BTNL2: variants seen among roughly 807,000 people sequenced by gnomAD.
The protein encoded by BTNL2 is butyrophilin like 2.
A neutral mutation model predicts 46.8 loss-of-function variants in BTNL2; 46 were observed. The observed-to-expected ratio is 0.98, with a 90% CI of 0.78 to 1.26. The LOEUF (loss-of-function observed/expected upper bound fraction) is 1.26. Among genes scored for constraint, BTNL2 ranks in the 50% most tolerant of loss-of-function variants. BTNL2 has a pLI of 0.00. For missense variants in BTNL2, 461 were observed against 592.6 expected (o/e 0.78, Z 2.31); for synonymous variants, 226 against 229.1 (o/e 0.99, Z 0.12).
chr6:32,401,902 G>A, intron 3 of BTNL2, 97 bp from the exon 4 acceptor site: 2 of 980,318 alleles, frequency 2.0e-6, no homozygotes, highest in East Asian at 2.7e-5. Flanking sequence ...ACATTATATA[G>A]GGAAGCTCAA....
chr6:32,396,022 C>G lies in BTNL2; in HGVS notation c.1078+17G>C, dbSNP rs1776424305. 1.3e-6 allele frequency: 2 copies of G among 1,580,006 alleles called. No individual in the cohort carries two copies. Among genetic ancestry groups the G allele is most frequent in the Non-Finnish European group, 1.7e-6 (2 of 1,155,058 alleles). ...GGAGCAGGTATTGAATACAAAATATCTATCTAGAATTCTTACTTACCACCT... is the reference window on the plus strand; with the variant it reads ...GGAGCAGGTATTGAATACAAAATATGTATCTAGAATTCTTACTTACCACCT... On this transcript the variant is annotated intron_variant, in intron 5 of 7. Coordinates refer to ENST00000454136, the MANE Select transcript of BTNL2 (RefSeq NM_001304561.2). This position sits in a 1 kb window ranked among gnomAD's most constrained non-coding sequence, Gnocchi z 4.4.
rs771592654 is a variant in BTNL2 at position 32,394,808 on chromosome 6, G to A, written c.1296C>T (p.Asp432=). The change falls in exon 6 of 8, where the codon GAC becomes GAT. Residue 432 remains aspartate, a synonymous_variant. Transcript: ENST00000454136. The surrounding 1 kb of genome is among the most constrained non-coding windows in gnomAD (Gnocchi z 4.6). ...LLRVTNISAV[D]VTCSISIPFL... ...AGGGGATGCTGATGGAACAAGTGACGTCCACAGCGGAGATGTTTGTGACCC... is the reference window on the plus strand; with the variant it reads ...AGGGGATGCTGATGGAACAAGTGACATCCACAGCGGAGATGTTTGTGACCC... 8.7e-6 allele frequency: 14 copies of A among 1,614,190 alleles called. No homozygotes were observed. The Middle Eastern group carries it at 4.9e-4, about 57-fold the overall frequency.
intron 4 of BTNL2, among the ~76,000 whole-genome samples, chr6:32,397,604 T>A (rs977996058): frequency 3.0e-4 from 45 of 152,352 alleles, no homozygotes; most frequent in African/African-American, 1.1e-3. Flanking sequence ...TTAAACTACT[T>A]CTTAATGCCT....
At position 32,393,446 on chromosome 6, in the gene BTNL2, C is replaced by G. The variant is rs17202358; in HGVS notation, c.*7-57G>C. ...AATCAATATAATTTCATTCTATTAACAGCCAAACAGGAAGACAAGTGTTTC... is the reference window on the plus strand; with the variant it reads ...AATCAATATAATTTCATTCTATTAAGAGCCAAACAGGAAGACAAGTGTTTC... On this transcript the variant is annotated intron_variant, in intron 7 of 7. Coordinates refer to ENST00000454136, the MANE Select transcript of BTNL2 (RefSeq NM_001304561.2). The surrounding 1 kb of genome is among the most constrained non-coding windows in gnomAD (Gnocchi z 4.8). The G allele has an allele frequency of 6.5e-6, 1 of 152,692 alleles. No individual in the cohort carries two copies. Among genetic ancestry groups the G allele is most frequent in the African/African-American group, 2.4e-5 (1 of 41,394 alleles). The allele number at this position is 152,692 out of a possible 1,614,324, so 9.5% of individuals were successfully genotyped here.
chr6:32,403,547 A>G (rs1776924729), intron 2 of BTNL2: 1 of 294,470 alleles, frequency 3.4e-6, no homozygotes, highest in Non-Finnish European at 6.3e-6. Flanking sequence ...CCTCTGTGCC[A>G]TGAACTCTGC....
Position 32,394,989 on chromosome 6 carries a change from T to G in BTNL2, c.1115A>C (p.Gln372Pro). The G allele has an allele frequency of 1.2e-6, 2 of 1,611,112 alleles. No individual in the cohort carries two copies. The highest frequency in any genetic ancestry group is 1.7e-6 in the Non-Finnish European group (2 of 1,178,212). ...CATCGGCTGCATTTCTCCATCTTCT[T>G]GCCCCTCCACAGTGATCAGTGGGGA... Reference protein sequence around the residue: ...GSSPLITVEGQEDGEMQPMCS... With the variant: ...GSSPLITVEGPEDGEMQPMCS... Residue 372 changes from glutamine to proline, a missense_variant, in exon 6 of 8, where the codon CAA becomes CCA. Transcript: ENST00000454136. The surrounding 1 kb of genome is among the most constrained non-coding windows in gnomAD (Gnocchi z 4.6).
intron 4 of BTNL2, among the ~76,000 whole-genome samples, chr6:32,400,590 C>T (rs1776687136): frequency 6.6e-6 from 1 of 151,704 alleles, no homozygotes; most frequent in Non-Finnish European, 1.5e-5. Flanking sequence ...AAAATAATAC[C>T]CTCAGTCCAA....
rs566825324 is a variant in BTNL2, at chr6:32,400,983, G to C, written c.730+802C>G. Among the ~76,000 whole-genome samples the C allele has an allele frequency of 7.0e-3, 1,004 of 143,208 alleles. 36 individuals are homozygous for C. Among genetic ancestry groups the C allele is most frequent in the African/African-American group, 0.024 (932 of 39,522 alleles). 94.0% of individuals were successfully genotyped at this position (143,208 alleles called of 152,430 possible). A position where few individuals can be genotyped will look rare whatever the true frequency, so the allele number is the denominator to read the frequency against. ...CAGCACTTTGGGAGGCTGAGGTGGGGGGATCACGAGATCAGGAGATCGAGA... is the reference window on the plus strand; with the variant it reads ...CAGCACTTTGGGAGGCTGAGGTGGGCGGATCACGAGATCAGGAGATCGAGA... On this transcript the variant is annotated intron_variant, in intron 4 of 7. Transcript: ENST00000454136.
In BTNL2 at chr6:32,403,104, G is replaced by A. The variant is rs1296533057; in HGVS notation, c.540C>T (p.Ile180=). 9 of 1,612,768 alleles carry A rather than the reference G, an allele frequency of 5.6e-6. No homozygotes were observed. The highest frequency in any genetic ancestry group is 7.6e-6 in the Non-Finnish European group (9 of 1,179,916). ...ACACGGCCAGCAGCTTCTCTCCCCG[G>A]ATGTCTTCCCAATACACCTGGGGCT... ...FPEPQVYWED[I]RGEKLLAVSE... Residue 180 remains isoleucine (I), a synonymous_variant, in exon 3 of 8, where the codon ATC becomes ATT. Coordinates refer to ENST00000454136, the MANE Select transcript of BTNL2 (RefSeq NM_001304561.2).
chr6:32,395,954 A>G, intron 5 of BTNL2, 85 bp downstream of exon 5: 1 of 1,137,068 alleles, frequency 8.8e-7, no homozygotes, highest in Non-Finnish European at 1.3e-6. Context: ...GAAAATTTCA[A>G]ATGTCAGAGA....
rs1390075841 is a variant in BTNL2, at chr6:32,400,760, A to AAAAACAAAAAAAAAAC, written c.730+1024_730+1025insGTTTTTTTTTTGTTTT. Among the ~76,000 whole-genome samples the AAAAACAAAAAAAAAAC allele has an allele frequency of 3.5e-5, 4 of 115,918 alleles. No individual in the cohort carries two copies. The East Asian group carries it at 9.4e-4, about 27-fold the overall frequency. 76.0% of individuals were successfully genotyped at this position (115,918 alleles called of 152,430 possible). ...CCGTCTCTACTAAAAAAAAAAAAAA[A>AAAAACAAAAAAAAAAC]AAATTAGCTGGGTGTGGTGGCGCAT... On this transcript the variant is annotated intron_variant, in intron 4 of 7. Coordinates refer to ENST00000454136, the MANE Select transcript of BTNL2 (RefSeq NM_001304561.2).
chr6:32,393,916 C>A lies in BTNL2; in HGVS notation c.*6+47G>T. On this transcript the variant is annotated intron_variant, in intron 7 of 7. Coordinates refer to ENST00000454136, the MANE Select transcript of BTNL2 (RefSeq NM_001304561.2). This position sits in a 1 kb window ranked among gnomAD's most constrained non-coding sequence, Gnocchi z 4.8. ...GGGAGGCTCGGGGAAGTACGCAGTACGGTTCCCACTGCAGTGTGCTCCGCT... is the reference window on the plus strand; with the variant it reads ...GGGAGGCTCGGGGAAGTACGCAGTAAGGTTCCCACTGCAGTGTGCTCCGCT... 1 of 1,544,924 alleles carries A rather than the reference C, an allele frequency of 6.5e-7. No homozygotes were observed. The highest frequency in any genetic ancestry group is 8.7e-7 in the Non-Finnish European group (1 of 1,144,174).
At position 32,405,125 on chromosome 6, in the gene BTNL2, C is replaced by T. The variant is rs1188728146; in HGVS notation, c.241G>A (p.Val81Met). 2.5e-6 allele frequency: 4 copies of T among 1,613,128 alleles called. No individual in the cohort carries two copies. The highest frequency in any genetic ancestry group is 3.4e-6 in the Non-Finnish European group (4 of 1,180,048). Residue 81 changes from valine to methionine, a missense_variant, in exon 2 of 8, where the codon GTG (valine) becomes ATG (methionine). Coordinates refer to ENST00000454136, the MANE Select transcript of BTNL2 (RefSeq NM_001304561.2). Reference protein sequence around the residue: ...STPVFVHRDGVEVTEMQMEEY... With the variant: ...STPVFVHRDGMEVTEMQMEEY... ...TCCATCTGCATCTCAGTCACCTCCACTCCATCCCTGTGCACAAACACAGGT... is the reference window on the plus strand; with the variant it reads ...TCCATCTGCATCTCAGTCACCTCCATTCCATCCCTGTGCACAAACACAGGT...
intron 4 of BTNL2, among the ~76,000 whole-genome samples, chr6:32,400,745 T>TAAAAAAAAAAAAA (rs55703731): frequency 2.4e-5 from 2 of 82,114 alleles, no homozygotes; most frequent in Admixed American, 1.3e-4. Flanking sequence ...CCGTCTCTAC[T>TAAAAAAAAAAAAA]AAAAAAAAAA....
Position 32,396,241 on chromosome 6 carries a change from A to G in BTNL2, c.876T>C (p.His292=). Residue 292 remains histidine (H), a synonymous_variant, in exon 5 of 8, where the codon CAT becomes CAC. Transcript: ENST00000454136. The surrounding 1 kb of genome is among the most constrained non-coding windows in gnomAD (Gnocchi z 4.4). ...CCACATGGTCCCCATCCATATACAC[A>G]TGCACAGCAGGGTAACGGTGGGATC... ...WDRSHRYPAV[H]VYMDGDHVAG... The G allele has an allele frequency of 6.2e-7, 1 of 1,612,998 alleles. No homozygotes were observed. The highest frequency in any genetic ancestry group is 8.5e-7 in the Non-Finnish European group (1 of 1,180,000).
chr6:32,401,813 A>G lies in BTNL2; in HGVS notation c.710-8T>C, dbSNP rs538548316. On this transcript the variant is annotated splice_region_variant and splice_polypyrimidine_tract_variant and intron_variant, in intron 3 of 7. Transcript: ENST00000454136. ...GCTCAGTCTGGAGTTTCTCTGGAAA[A>G]AGAACAAGAATAACATATTAAGGAA... 1.2e-6 allele frequency: 2 copies of G among 1,608,250 alleles called. No individual in the cohort carries two copies. The highest frequency in any genetic ancestry group is 8.5e-7 in the Non-Finnish European group (1 of 1,177,602).
chr6:32,395,988 A>C, intron 5 of BTNL2, 51 bp downstream of exon 5: 1 of 1,410,294 alleles, frequency 7.1e-7, no homozygotes, highest in African/African-American at 1.4e-5. Context: ...CTAGCATATT[A>C]AAGTGGCAGG....
chr6:32,398,899 G>A (rs1583258980), intron 4 of BTNL2, among the ~76,000 whole-genome samples: 1 of 151,696 alleles, frequency 6.6e-6, no homozygotes, highest in East Asian at 1.9e-4. Context: ...AAGCTCCTTG[G>A]GAGCCACTAT....
In BTNL2 at chr6:32,399,879, T is replaced by G. The variant is rs546545481; in HGVS notation, c.730+1906A>C. Among the ~76,000 whole-genome samples, 2,666 of 152,292 alleles carry G rather than the reference T, an allele frequency of 0.018. 77 individuals carry two copies. The highest frequency in any genetic ancestry group is 0.11 in the East Asian group (568 of 5,184). ...GAGCTGGGTGTCCCATCATTAGAGC[T>G]CACCTGCAAAGCTTCCGTGCCCAGA... On this transcript the variant is annotated intron_variant, in intron 4 of 7. Transcript: ENST00000454136. The surrounding 1 kb of genome is among the most constrained non-coding windows in gnomAD (Gnocchi z 5.2).
Sources: allele counts gnomAD v4.1 joint callset (sites outside exome capture counted in the v4.1 genomes callset), GRCh38; gene constraint gnomAD v4.1.1; non-coding constraint Gnocchi (gnomAD v3.1); transcripts MANE v1.5; gene names NCBI Gene and HGNC (gene_info 2026-07-23, HGNC 2026-07-21).